Variants in E2F3 observed in about 807,000 individuals in gnomAD.
E2F3 encodes E2F transcription factor 3, also known as transcription factor E2F3.
Under a neutral mutation model 44.4 loss-of-function variants are expected in E2F3, and 11 were observed. The ratio of observed to expected loss-of-function variants is 0.25; its 90% CI spans 0.16 to 0.41. The LOEUF (loss-of-function observed/expected upper bound fraction) is 0.41. E2F3 is among the 10% of genes least tolerant of loss of function. E2F3 has a pLI of 1.00. For synonymous variants in E2F3, 249 were observed against 253.0 expected (o/e 0.98, Z 0.15); for missense variants, 487 against 583.6 (o/e 0.83, Z 1.70).
intron 1 of E2F3, among the ~76,000 whole-genome samples, chr6:20,469,620 A>G (rs1761825724): frequency 1.3e-5 from 2 of 152,328 alleles, no homozygotes; most frequent in South Asian, 4.1e-4. Context: ...AAACATTCAT[A>G]TATATGTGGT....
intron 1 of E2F3, among the ~76,000 whole-genome samples, chr6:20,467,201 G>T (rs2127611878): frequency 6.6e-6 from 1 of 152,264 alleles, no homozygotes; most frequent in Non-Finnish European, 1.5e-5. Flanking sequence ...GTTAAATGGG[G>T]CATCCACATT....
chr6:20,413,368 C>T (rs1429885687), intron 1 of E2F3, among the ~76,000 whole-genome samples: 3 of 152,096 alleles, frequency 2.0e-5, no homozygotes, highest in African/African-American at 4.8e-5. Flanking sequence ...ACTAGATTGT[C>T]CAGGTGAAGG....
At chr6:20,403,344 C>T (rs1252385677) in intron 1 of E2F3, among the ~76,000 whole-genome samples, 3 of 152,054 alleles carry the variant, frequency 2.0e-5, no homozygotes, top group South Asian at 4.1e-4. Context: ...GCGGCGCCCG[C>T]GTGGCCCAAG....
intron 1 of E2F3, among the ~76,000 whole-genome samples, chr6:20,466,625 G>A (rs891849456): frequency 2.6e-5 from 4 of 151,144 alleles, no homozygotes; most frequent in Non-Finnish European, 5.9e-5. Flanking sequence ...CCACCATACT[G>A]GGAAAAGTCC....
intron 1 of E2F3, among the ~76,000 whole-genome samples, chr6:20,424,888 G>T (rs1760161095): frequency 6.6e-6 from 1 of 152,156 alleles, no homozygotes; most frequent in Non-Finnish European, 1.5e-5. Context: ...GGCAGAACCA[G>T]GGTTCCAGAC....
chr6:20,414,458 C>T (rs1759776990), intron 1 of E2F3, among the ~76,000 whole-genome samples: 1 of 151,740 alleles, frequency 6.6e-6, no homozygotes. Flanking sequence ...TTCCTACACT[C>T]TCTGATTTTT....
At chr6:20,403,946 G>T in intron 1 of E2F3, 1 of 580,102 alleles carries the variant, frequency 1.7e-6, no homozygotes, top group Non-Finnish European at 2.9e-6. Flanking sequence ...GGGAACGGGG[G>T]GTTGGGTGCT....
At chr6:20,485,435 C>G (rs1762361003) in intron 4 of E2F3, among the ~76,000 whole-genome samples, 1 of 152,004 alleles carries the variant, frequency 6.6e-6, no homozygotes, top group African/African-American at 2.4e-5. Flanking sequence ...AAAAAATTAG[C>G]CGGGTGTGGT....
chr6:20,413,210 T>C lies in E2F3; in HGVS notation c.393+10585T>C, dbSNP rs1644620459. Among the ~76,000 whole-genome samples the C allele has an allele frequency of 2.6e-5, 4 of 152,230 alleles. No individual in the cohort carries two copies. The South Asian group carries it at 8.3e-4, about 31-fold the overall frequency. Reference sequence around the variant, plus strand: ...TACCTGTCAAAAAGAAATAATCCAGTGTTTTTCAAGTTTACCTGATTGCCT... The same window carrying C: ...TACCTGTCAAAAAGAAATAATCCAGCGTTTTTCAAGTTTACCTGATTGCCT... On this transcript the variant is annotated intron_variant, in intron 1 of 6. Transcript: ENST00000346618.
chr6:20,474,039 C>T (rs1001148554), intron 1 of E2F3, among the ~76,000 whole-genome samples: 5 of 152,106 alleles, frequency 3.3e-5, no homozygotes, highest in African/African-American at 1.2e-4. Flanking sequence ...AAATATCAGG[C>T]AGGCAGACTA....
chr6:20,490,556 A>G lies in E2F3; in HGVS notation c.*126A>G. On this transcript the variant is annotated 3_prime_UTR_variant, in exon 7 of 7. Transcript: ENST00000346618. This position sits in a 1 kb window ranked among gnomAD's most constrained non-coding sequence, Gnocchi z 4.3. ...GAGAGTATCATGAAGTAAACTACAA[A>G]CTTCAGAAGAAAGCTGACATTTTAA... 1.0e-6 allele frequency: 1 copy of G among 952,724 alleles called. No homozygotes were observed. 59.0% of individuals were successfully genotyped at this position (952,724 alleles called of 1,614,324 possible). A position where few individuals can be genotyped will look rare whatever the true frequency, so the allele number is the denominator to read the frequency against.
chr6:20,470,086 C>T (rs1581639671), intron 1 of E2F3, among the ~76,000 whole-genome samples: 1 of 152,198 alleles, frequency 6.6e-6, no homozygotes, highest in Non-Finnish European at 1.5e-5. Context: ...ATCTCTGCTT[C>T]TGTTCTTATT....
intron 1 of E2F3, among the ~76,000 whole-genome samples, chr6:20,479,188 C>T (rs1019321547): frequency 6.6e-6 from 1 of 152,176 alleles, no homozygotes; most frequent in African/African-American, 2.4e-5. Context: ...CGATGAAGGG[C>T]CGTTTGTAGT....
At chr6:20,421,202 A>T (rs1004188986) in intron 1 of E2F3, among the ~76,000 whole-genome samples, 1 of 152,194 alleles carries the variant, frequency 6.6e-6, no homozygotes, top group Non-Finnish European at 1.5e-5. Flanking sequence ...CCTGTCATCC[A>T]TAAGGGTTGG....
At position 20,490,859 on chromosome 6, in the gene E2F3, G is replaced by T. The variant is rs556692128; in HGVS notation, c.*429G>T. ...TAGCATTTCAAGCCGTGCCTTCTCCGCAGAATGCATGTCTTTGAGGTCTGC... is the reference window on the plus strand; with the variant it reads ...TAGCATTTCAAGCCGTGCCTTCTCCTCAGAATGCATGTCTTTGAGGTCTGC... On this transcript the variant is annotated 3_prime_UTR_variant, in exon 7 of 7. Transcript: ENST00000346618. This position sits in a 1 kb window ranked among gnomAD's most constrained non-coding sequence, Gnocchi z 4.3. 3.5e-5 allele frequency: 8 copies of T among 229,424 alleles called. No homozygotes were observed. In the East Asian group the frequency reaches 3.8e-4, roughly 11 times the overall value. 14.2% of individuals were successfully genotyped at this position (229,424 alleles called of 1,614,324 possible). A position where few individuals can be genotyped will look rare whatever the true frequency, so the allele number is the denominator to read the frequency against.
intron 1 of E2F3, chr6:20,445,176 A>G (rs1342805327): frequency 2.1e-6 from 2 of 973,250 alleles, no homozygotes; most frequent in Admixed American, 1.2e-4. Flanking sequence ...TAAAAATAGA[A>G]TACTACCAAC....
intron 1 of E2F3, among the ~76,000 whole-genome samples, chr6:20,475,446 G>A (rs1762014402): frequency 6.6e-6 from 1 of 152,218 alleles, no homozygotes; most frequent in South Asian, 2.1e-4. Flanking sequence ...CTTTACTGCT[G>A]AGGCACGGCC....
chr6:20,410,400 A>G (rs1298795846), intron 1 of E2F3, among the ~76,000 whole-genome samples: 5 of 152,216 alleles, frequency 3.3e-5, no homozygotes, highest in Non-Finnish European at 7.3e-5. Context: ...GACTTTGGGC[A>G]AGAAACTTGG....
chr6:20,415,367 G>A (rs1259445551), intron 1 of E2F3, among the ~76,000 whole-genome samples: 2 of 152,198 alleles, frequency 1.3e-5, no homozygotes, highest in Non-Finnish European at 1.5e-5. Context: ...GGACTTCAGC[G>A]CTCTTAACAT....
Sources: gnomAD v4.1 joint callset for allele counts (sites outside exome capture counted in the v4.1 genomes callset) on GRCh38, gnomAD v4.1.1 for gene constraint, Gnocchi (gnomAD v3.1) non-coding constraint, MANE v1.5 for transcripts, NCBI Gene and HGNC (gene_info 2026-07-23, HGNC 2026-07-21) for gene names.